OXR1: variants seen among roughly 807,000 people sequenced by gnomAD.
OXR1 encodes the protein oxidation resistance protein 1.
In OXR1, 41 loss-of-function variants were observed where a neutral mutation model predicts 104.6. The ratio of observed to expected loss-of-function variants is 0.39; its 90% CI spans 0.31 to 0.51. The LOEUF (loss-of-function observed/expected upper bound fraction) is 0.51. Among genes scored for constraint, OXR1 ranks in the 20% least tolerant of loss-of-function variants. The pLI is 0.77. For missense variants in OXR1, 955 were observed against 1,031.9 expected (o/e 0.93, Z 1.02); for synonymous variants, 348 against 348.4 (o/e 1.00, Z 0.01).
chr8:106,573,602 T>G (rs1817629920), intron 3 of OXR1, among the ~76,000 whole-genome samples: 1 of 152,230 alleles, frequency 6.6e-6, no homozygotes, highest in South Asian at 2.1e-4. Flanking sequence ...CCATTAGTTC[T>G]TCAAATAAAG....
intron 2 of OXR1, among the ~76,000 whole-genome samples, chr8:106,415,601 G>GACA (rs56691498): frequency 2.0e-5 from 3 of 151,650 alleles, no homozygotes; most frequent in Non-Finnish European, 4.4e-5. Context: ...GAGACAGAGA[G>GACA]GGAATTGCTT....
chr8:106,661,755 T>C (rs1763758464), intron 3 of OXR1, among the ~76,000 whole-genome samples: 1 of 152,232 alleles, frequency 6.6e-6, no homozygotes, highest in Non-Finnish European at 1.5e-5. Flanking sequence ...TTTTCATTTA[T>C]TTTTAGCAAT....
Position 106,518,929 on chromosome 8 carries a change from T to G in OXR1, c.24-14T>G. On this transcript the variant is annotated splice_polypyrimidine_tract_variant and intron_variant, in intron 2 of 16. Transcript: ENST00000517566. ...GAATCAGGATTCATAGCATGTGGTC[T>G]TCTTTACTTGTAGGCTGAAGAAAAA... The G allele has an allele frequency of 1.3e-6, 2 of 1,537,714 alleles. No individual in the cohort carries two copies. Among genetic ancestry groups the G allele is most frequent in the Non-Finnish European group, 1.8e-6 (2 of 1,137,676 alleles).
intron 2 of OXR1, among the ~76,000 whole-genome samples, chr8:106,486,281 A>G (rs754745361): frequency 6.6e-6 from 1 of 152,118 alleles, no homozygotes; most frequent in African/African-American, 2.4e-5. Flanking sequence ...TTTAAAAGAA[A>G]TGTTACATTA....
intron 11 of OXR1, 80 bp from the exon 12 acceptor site, chr8:106,737,440 C>CTTTTT (rs71562118): frequency 5.4e-5 from 8 of 148,068 alleles, no homozygotes; most frequent in Admixed American, 1.4e-4. Context: ...AATTTCTCCT[C>CTTTTT]TTTTTTTTTT....
At chr8:106,501,699 C>T (rs969731681) in intron 2 of OXR1, among the ~76,000 whole-genome samples, 6 of 152,122 alleles carry the variant, frequency 3.9e-5, no homozygotes, top group Non-Finnish European at 5.9e-5. Context: ...GTAAATAGTT[C>T]GTGTTTTAAT....
chr8:106,566,350 G>A (rs1418152598), intron 3 of OXR1, among the ~76,000 whole-genome samples: 1 of 152,046 alleles, frequency 6.6e-6, no homozygotes, highest in Non-Finnish European at 1.5e-5. Context: ...CATTTATGTG[G>A]CCAACTAACA....
chr8:106,345,536 G>A (rs1313084563), intron 1 of OXR1, among the ~76,000 whole-genome samples: 2 of 152,204 alleles, frequency 1.3e-5, no homozygotes, highest in Non-Finnish European at 2.9e-5. Flanking sequence ...TCGTAGGTGA[G>A]TCCATGTAGG....
At chr8:106,726,397 A>G in intron 11 of OXR1, 1 of 723,966 alleles carries the variant, frequency 1.4e-6, no homozygotes, top group Non-Finnish European at 2.2e-6. Flanking sequence ...CTGAAAGTTT[A>G]AGCATAGAGG....
At chr8:106,578,377 T>G (rs2130610743) in intron 3 of OXR1, among the ~76,000 whole-genome samples, 1 of 152,222 alleles carries the variant, frequency 6.6e-6, no homozygotes. Context: ...TACAGTAGAG[T>G]TTTTTAAAGC....
chr8:106,380,470 C>T (rs936280259), intron 2 of OXR1, among the ~76,000 whole-genome samples: 1 of 152,136 alleles, frequency 6.6e-6, no homozygotes, highest in African/African-American at 2.4e-5. Flanking sequence ...TTTCATTTCT[C>T]TTGGGTATAT....
intron 2 of OXR1, among the ~76,000 whole-genome samples, chr8:106,510,701 T>C (rs1219027464): frequency 2.1e-5 from 3 of 145,606 alleles, no homozygotes; most frequent in African/African-American, 8.5e-5. Flanking sequence ...GAATTTCTTG[T>C]TTTTTTGTTA....
intron 1 of OXR1, among the ~76,000 whole-genome samples, chr8:106,304,694 A>G (rs1813403593): frequency 6.6e-6 from 1 of 152,180 alleles, no homozygotes; most frequent in Non-Finnish European, 1.5e-5. Flanking sequence ...AATGTGGTAT[A>G]TATTTTAAAT....
intron 3 of OXR1, among the ~76,000 whole-genome samples, chr8:106,600,185 A>G (rs1270038984): frequency 1.3e-5 from 2 of 152,244 alleles, no homozygotes; most frequent in African/African-American, 4.8e-5. Flanking sequence ...ATGGATGAGC[A>G]TATCTGTCAC....
intron 11 of OXR1, among the ~76,000 whole-genome samples, chr8:106,727,955 C>T (rs893946151): frequency 3.3e-5 from 5 of 152,058 alleles, no homozygotes; most frequent in Admixed American, 1.3e-4. Flanking sequence ...ACAGCTTGAC[C>T]CTAGCACATA....
At chr8:106,671,044 C>CAAAAAAAAAAAAAAAA (rs60404483) in intron 3 of OXR1, among the ~76,000 whole-genome samples, 11 of 48,936 alleles carry the variant, frequency 2.2e-4, no homozygotes, top group Admixed American at 6.7e-4. Flanking sequence ...GACTCTGTCT[C>CAAAAAAAAAAAAAAAA]AAAAAAAAAA....
chr8:106,332,569 T>G (rs1431405718), intron 1 of OXR1, among the ~76,000 whole-genome samples: 1 of 152,166 alleles, frequency 6.6e-6, no homozygotes, highest in East Asian at 1.9e-4. Context: ...TTGCATTTCC[T>G]TTGGCTATAC....
chr8:106,749,774 C>G (rs1395559921), intron 16 of OXR1, among the ~76,000 whole-genome samples: 1 of 151,998 alleles, frequency 6.6e-6, no homozygotes, highest in Non-Finnish European at 1.5e-5. Context: ...AGTCTTTGCC[C>G]CCTCTCCTCT....
At chr8:106,716,217 G>A (rs1832233271) in intron 11 of OXR1, among the ~76,000 whole-genome samples, 1 of 152,144 alleles carries the variant, frequency 6.6e-6, no homozygotes, top group African/African-American at 2.4e-5. Context: ...TTTAGTGCCT[G>A]AATTGAGATG....
Sources: gnomAD v4.1 joint callset for allele counts (sites outside exome capture counted in the v4.1 genomes callset) on GRCh38, gnomAD v4.1.1 for gene constraint, MANE v1.5 for transcripts, NCBI Gene and HGNC (gene_info 2026-07-23, HGNC 2026-07-21) for gene names.